Variants in ALOX5 observed in about 807,000 individuals in gnomAD.
ALOX5 encodes arachidonate 5-lipoxygenase.
A neutral mutation model predicts 87.9 loss-of-function variants in ALOX5; 64 were observed. The observed-to-expected ratio is 0.73, with a 90% CI of 0.60 to 0.90. The LOEUF is 0.90. Ranked by LOEUF, ALOX5 falls within the 40% of genes least tolerant of loss-of-function variation. The probability of loss-of-function intolerance (pLI) is 0.00; values close to 1 mark genes in which losing one functional copy is unlikely to be tolerated. For synonymous variants in ALOX5, 388 were observed against 355.1 expected (o/e 1.09, Z -1.04); for missense variants, 822 against 907.5 (o/e 0.91, Z 1.21).
intron 2 of ALOX5, among the ~76,000 whole-genome samples, chr10:45,390,585 A>G (rs1840182098): frequency 6.6e-6 from 1 of 152,268 alleles, no homozygotes. Flanking sequence ...CTGCACCTGA[A>G]TGACTACTGG....
chr10:45,428,649 T>G lies in ALOX5; in HGVS notation c.866T>G (p.Leu289Arg). The change falls in exon 7 of 14, where the codon CTG (leucine) becomes CGG (arginine). Residue 289 changes from leucine to arginine, a missense_variant. Coordinates refer to ENST00000374391, the MANE Select transcript of ALOX5 (RefSeq NM_000698.5). ...QGNIFIVDFE[L>R]LDGIDANKTD... ...AACATTTTCATCGTGGACTTTGAGC[T>G]GCTGGATGGCATCGATGCCAACAAA... 6.2e-7 allele frequency: 1 copy of G among 1,614,156 alleles called. No individual in the cohort carries two copies. The highest frequency in any genetic ancestry group is 8.5e-7 in the Non-Finnish European group (1 of 1,180,030).
intron 3 of ALOX5, among the ~76,000 whole-genome samples, chr10:45,404,669 G>A (rs1351720922): frequency 6.6e-6 from 1 of 152,208 alleles, no homozygotes; most frequent in Non-Finnish European, 1.5e-5. Flanking sequence ...GCGCTCGTCC[G>A]CTCTCCTGCT....
At position 45,443,426 on chromosome 10, in the gene ALOX5, G is replaced by A. The variant is rs770033748; in HGVS notation, c.1462G>A (p.Glu488Lys). Residue 488 changes from glutamate (E) to lysine (K), a missense_variant, in exon 11 of 14, where the codon GAG becomes AAG. Glu to Lys is a moderately conservative substitution (Grantham distance 56). Transcript: ENST00000374391. ...CGCCCCCTGAGCCAGGTTCACGGCC[G>A]AGGTGGTAGACATCTACTACGAGGG... ...VWEAIRTFTA[E>K]VVDIYYEGDQ... 1.9e-6 allele frequency: 3 copies of A among 1,606,076 alleles called. No homozygotes were observed. The highest frequency in any genetic ancestry group is 2.2e-5 in the South Asian group (2 of 90,458).
chr10:45,443,838 G>A lies in ALOX5; in HGVS notation c.1674+10G>A. 1 of 1,593,316 alleles carries A rather than the reference G, an allele frequency of 6.3e-7. No individual in the cohort carries two copies. The highest frequency in any genetic ancestry group is 2.3e-5 in the East Asian group (1 of 43,154). ...GGTCAACTTCGGCCAGGTAGGCAGG[G>A]CCGGGCCCGCTGGGCAGGGCTCCCT... On this transcript the variant is annotated intron_variant, in intron 12 of 13. Transcript: ENST00000374391.
Position 45,424,105 on chromosome 10 carries a change from G to T in ALOX5, c.619G>T (p.Asp207Tyr). 6.2e-7 allele frequency: 1 copy of T among 1,614,166 alleles called. No homozygotes were observed. Among genetic ancestry groups the T allele is most frequent in the Non-Finnish European group, 8.5e-7 (1 of 1,180,018 alleles). The change falls in exon 5 of 14, where the codon GAC becomes TAC. Residue 207 changes from aspartate (D) to tyrosine (Y), a missense_variant. By Grantham distance (160) the Asp-to-Tyr change is radical. Transcript: ENST00000374391. ...CCAGTCTTCTTGGAATGACTTCGCC[G>T]ACTTTGAGAAAATCTTTGTCAAGAT... The part of the protein sequence containing the change: ...MFQSSWNDFA[D>Y]FEKIFVKISN...
At chr10:45,437,774 T>C (rs2132845366) in intron 7 of ALOX5, among the ~76,000 whole-genome samples, 1 of 152,256 alleles carries the variant, frequency 6.6e-6, no homozygotes, top group East Asian at 1.9e-4. Context: ...TAGTTTAGAC[T>C]GTGAGGTTTG....
intron 3 of ALOX5, among the ~76,000 whole-genome samples, chr10:45,408,263 C>T (rs573627457): frequency 6.6e-6 from 1 of 152,222 alleles, no homozygotes; most frequent in East Asian, 1.9e-4. Context: ...AGAACATGCA[C>T]CCAAGGTGGT....
Position 45,425,061 on chromosome 10 carries a change from A to G in ALOX5, c.763A>G (p.Lys255Glu). The change falls in exon 6 of 14, where the codon AAG becomes GAG. Residue 255 changes from lysine to glutamate, a missense_variant. Transcript: ENST00000374391. This position sits in a 1 kb window ranked among gnomAD's most constrained non-coding sequence, Gnocchi z 4.4. ...CCGGCGCTGCACAGAGCTGCCCGAG[A>G]AGCTCCCGGTGACCACGGAGATGGT... ...LIRRCTELPE[K>E]LPVTTEMVEC... 1 of 1,614,082 alleles carries G rather than the reference A, an allele frequency of 6.2e-7. No individual in the cohort carries two copies.
intron 3 of ALOX5, among the ~76,000 whole-genome samples, chr10:45,404,417 G>A (rs1321471314): frequency 6.6e-6 from 1 of 152,254 alleles, no homozygotes; most frequent in East Asian, 1.9e-4. Context: ...AGCAGACCCA[G>A]GTCATAGCCC....
intron 7 of ALOX5, among the ~76,000 whole-genome samples, chr10:45,432,218 G>A (rs1012825519): frequency 1.3e-5 from 2 of 151,722 alleles, no homozygotes; most frequent in Non-Finnish European, 2.9e-5. Context: ...GAAAAAATTA[G>A]GTATGGTGGC....
chr10:45,386,047 A>AT (rs1304084913), intron 2 of ALOX5, among the ~76,000 whole-genome samples: 2 of 152,188 alleles, frequency 1.3e-5, no homozygotes, highest in African/African-American at 4.8e-5. Flanking sequence ...TACAAAAAAA[A>AT]TTGAAAATTA....
At chr10:45,394,839 A>G (rs533136645) in intron 2 of ALOX5, among the ~76,000 whole-genome samples, 1 of 152,388 alleles carries the variant, frequency 6.6e-6, no homozygotes, top group South Asian at 2.1e-4. Context: ...TATGCAGCCA[A>G]CAGACACATG....
chr10:45,412,186 C>A lies in ALOX5; in HGVS notation c.432-5C>A. 1 of 1,614,136 alleles carries A rather than the reference C, an allele frequency of 6.2e-7. No individual in the cohort carries two copies. Among genetic ancestry groups the A allele is most frequent in the Non-Finnish European group, 8.5e-7 (1 of 1,180,014 alleles). ...ACTCAATTTCTTCTCCTTTCTCATG[C>A]TCAGATGGATGGAGTGGAACCCTGG... On this transcript the variant is annotated splice_polypyrimidine_tract_variant and splice_region_variant and intron_variant, in intron 3 of 13. Coordinates refer to ENST00000374391, the MANE Select transcript of ALOX5 (RefSeq NM_000698.5).
At chr10:45,401,882 C>T (rs933737450) in intron 3 of ALOX5, among the ~76,000 whole-genome samples, 3 of 152,034 alleles carry the variant, frequency 2.0e-5, no homozygotes, top group Non-Finnish European at 4.4e-5. Context: ...GTCAGGAGAT[C>T]GAGACCATCC....
At chr10:45,404,958 G>A (rs568041811) in intron 3 of ALOX5, among the ~76,000 whole-genome samples, 48 of 152,278 alleles carry the variant, frequency 3.2e-4, no homozygotes, top group Non-Finnish European at 4.7e-4. Flanking sequence ...TCATTCTTGC[G>A]TGTGAAATAG....
In ALOX5 at chr10:45,425,058, G is replaced by C. The variant is rs2228065; in HGVS notation, c.760G>C (p.Glu254Gln). 8 of 1,613,738 alleles carry C rather than the reference G, an allele frequency of 5.0e-6. No homozygotes were observed. In the South Asian group the frequency reaches 5.5e-5, roughly 11 times the overall value. The change falls in exon 6 of 14, where the codon GAG becomes CAG. Residue 254 changes from glutamate to glutamine, a missense_variant. Coordinates refer to ENST00000374391, the MANE Select transcript of ALOX5 (RefSeq NM_000698.5). This position sits in a 1 kb window ranked among gnomAD's most constrained non-coding sequence, Gnocchi z 4.4. ...VLIRRCTELP[E>Q]KLPVTTEMVE... ...GATCCGGCGCTGCACAGAGCTGCCC[G>C]AGAAGCTCCCGGTGACCACGGAGAT...
Position 45,382,818 on chromosome 10 carries a change from G to A in ALOX5, c.349+137G>A, listed in dbSNP as rs2303886. 7,790 of 1,026,758 alleles carry A rather than the reference G, an allele frequency of 7.6e-3. 134 individuals are homozygous for A. Among genetic ancestry groups the A allele is most frequent in the East Asian group, 0.053 (2,037 of 38,276 alleles). The allele number at this position is 1,026,758 out of a possible 1,614,324, so 63.6% of individuals were successfully genotyped here. On this transcript the variant is annotated intron_variant, in intron 2 of 13. Coordinates refer to ENST00000374391, the MANE Select transcript of ALOX5 (RefSeq NM_000698.5). ...GTGGGAGGGCTCTGCCCTGTGCCTC[G>A]ACACACCTGCAGGAGGCATGACTTT...
chr10:45,396,191 C>CT (rs1840496881), intron 3 of ALOX5, among the ~76,000 whole-genome samples: 1 of 152,158 alleles, frequency 6.6e-6, no homozygotes, highest in Non-Finnish European at 1.5e-5. Flanking sequence ...GGCAGAAAAG[C>CT]TTGAGTGTAC....
intron 4 of ALOX5, among the ~76,000 whole-genome samples, chr10:45,416,794 G>A (rs111313820): frequency 3.8e-4 from 58 of 152,078 alleles, no homozygotes; most frequent in African/African-American, 1.3e-3. Flanking sequence ...ATTGATATAC[G>A]GATGGATGGA....
Sources: allele counts gnomAD v4.1 joint callset (sites outside exome capture counted in the v4.1 genomes callset), GRCh38; gene constraint gnomAD v4.1.1; non-coding constraint Gnocchi (gnomAD v3.1); transcripts MANE v1.5; gene names NCBI Gene and HGNC (gene_info 2026-07-23, HGNC 2026-07-21).